Variants in SAG observed in about 807,000 individuals in gnomAD.
SAG encodes S-arrestin.
SAG carries 45 observed loss-of-function variants against 55.0 expected under a neutral mutation model. That is an observed-to-expected ratio of 0.82 (90% CI 0.64 to 1.05). SAG has a LOEUF of 1.05. Ranked by LOEUF, SAG falls within the 50% of genes least tolerant of loss-of-function variation. The probability of loss-of-function intolerance (pLI) is 0.00; values close to 1 mark genes in which losing one functional copy is unlikely to be tolerated. For missense variants in SAG, 455 were observed against 512.1 expected (o/e 0.89, Z 1.08); for synonymous variants, 189 against 197.4 (o/e 0.96, Z 0.36).
chr2:233,328,353 C>A, intron 7 of SAG, 125 bp from the exon 8 acceptor site: 3 of 1,222,010 alleles, frequency 2.5e-6, no homozygotes, highest in Non-Finnish European at 2.3e-6. Context: ...GCCCTCTTCC[C>A]GTCCACCCTG....
intron 13 of SAG, among the ~76,000 whole-genome samples, chr2:233,341,498 A>G (rs1276110800): frequency 6.6e-6 from 1 of 152,266 alleles, no homozygotes; most frequent in Non-Finnish European, 1.5e-5. Context: ...ATGGAATATT[A>G]CTGAGCCATA....
At position 233,329,582 on chromosome 2, in the gene SAG, G is replaced by A. The variant is rs767412878; in HGVS notation, c.733+5G>A. On this transcript the variant is annotated splice_donor_5th_base_variant and intron_variant, in intron 9 of 15. Coordinates refer to ENST00000409110, the MANE Select transcript of SAG (RefSeq NM_000541.5). ...TGAAGAAGATTAAAGCATTCGGTAG[G>A]ACCTTCTTCTCAGAAGTAGAGGGCA... is the stretch of plus-strand genomic sequence containing the variant. The A allele has an allele frequency of 5.7e-6, 9 of 1,592,462 alleles. No homozygotes were observed. The highest frequency in any genetic ancestry group is 7.8e-6 in the Non-Finnish European group (9 of 1,160,578).
intron 13 of SAG, among the ~76,000 whole-genome samples, 177 bp from the exon 14 acceptor site, chr2:233,342,094 A>C (rs1171661446): frequency 6.6e-6 from 1 of 150,440 alleles, no homozygotes; most frequent in Non-Finnish European, 1.5e-5. Context: ...ACTGCACTCC[A>C]GCCTGGGCGA....
Position 233,309,214 on chromosome 2 carries a change from A to G in SAG, c.25A>G (p.Lys9Glu). 6.2e-7 allele frequency: 1 copy of G among 1,613,840 alleles called. No individual in the cohort carries two copies. The highest frequency in any genetic ancestry group is 8.5e-7 in the Non-Finnish European group (1 of 1,179,800). Residue 9 changes from lysine to glutamate, a missense_variant, in exon 2 of 16, where the codon AAG becomes GAG. By Grantham distance (56) the Lys-to-Glu change is moderately conservative. Coordinates refer to ENST00000409110, the MANE Select transcript of SAG (RefSeq NM_000541.5). ...CATGGCAGCCAGCGGGAAGACCAGC[A>G]AGTCCGAACCGAACCATGTTATCTT... MAASGKTSKSEPNHVIFKK... is the reference protein window; with the variant it reads MAASGKTSESEPNHVIFKK...
chr2:233,310,699 G>T (rs997923275), intron 2 of SAG, among the ~76,000 whole-genome samples: 1 of 151,968 alleles, frequency 6.6e-6, no homozygotes, highest in South Asian at 2.1e-4. Flanking sequence ...TAGAGACAGG[G>T]TTTCACCATG....
intron 11 of SAG, among the ~76,000 whole-genome samples, chr2:233,337,300 G>A (rs983447533): frequency 3.3e-5 from 5 of 151,882 alleles, no homozygotes; most frequent in Non-Finnish European, 5.9e-5. Flanking sequence ...GTGCAGTAGC[G>A]CGTTCTTGGC....
chr2:233,312,375 G>A (rs1466806376), intron 2 of SAG, among the ~76,000 whole-genome samples: 1 of 152,124 alleles, frequency 6.6e-6, no homozygotes, highest in Non-Finnish European at 1.5e-5. Flanking sequence ...GCTGGCATGA[G>A]CTAAATCTCA....
chr2:233,330,149 A>C (rs1025950148), intron 9 of SAG, among the ~76,000 whole-genome samples: 42 of 152,220 alleles, frequency 2.8e-4, no homozygotes, highest in African/African-American at 1.0e-3. Flanking sequence ...GCATCAAAGC[A>C]CAGGGGGTCT....
intron 11 of SAG, among the ~76,000 whole-genome samples, chr2:233,336,138 C>G (rs1700919761): frequency 6.6e-6 from 1 of 152,214 alleles, no homozygotes; most frequent in African/African-American, 2.4e-5. Flanking sequence ...TCAATGTATT[C>G]AAGGGCGTAG....
intron 6 of SAG, among the ~76,000 whole-genome samples, chr2:233,325,176 C>T (rs1403208174): frequency 6.7e-6 from 1 of 149,612 alleles, no homozygotes; most frequent in Non-Finnish European, 1.5e-5. Flanking sequence ...TGCATTCCAG[C>T]CTGGGCATTA....
chr2:233,327,057 C>A, intron 6 of SAG, 64 bp from the exon 7 acceptor site: 1 of 1,301,760 alleles, frequency 7.7e-7, no homozygotes, highest in Non-Finnish European at 1.1e-6. Flanking sequence ...AGGTGTGGCC[C>A]TCTGGCCCGG....
chr2:233,343,236 C>A (rs566223664), intron 14 of SAG: 117 of 153,688 alleles, frequency 7.6e-4, no homozygotes, highest in Middle Eastern at 3.4e-3. Context: ...GCGCCTGCCA[C>A]CCCACCTGGC....
chr2:233,320,668 G>GCT lies in SAG; in HGVS notation c.220_221insCT (p.Glu74AlafsTer6). On this transcript the variant is annotated frameshift_variant, in exon 5 of 16. Transcript: ENST00000409110. LOFTEE classifies it high-confidence loss of function. Reference sequence around the variant, plus strand: ...GACCTGCGCCTTCCGCTATGGCCAAGAGGACATTGACGTGATCGGCTTGAC... The same window carrying GCT: ...GACCTGCGCCTTCCGCTATGGCCAAGCTAGGACATTGACGTGATCGGCTTGAC... 2 of 1,606,776 alleles carry GCT rather than the reference G, an allele frequency of 1.2e-6. No homozygotes were observed. Among genetic ancestry groups the GCT allele is most frequent in the Non-Finnish European group, 1.7e-6 (2 of 1,176,714 alleles).
chr2:233,346,297 C>A, intron 14 of SAG, 106 bp from the exon 15 acceptor site: 1 of 1,229,940 alleles, frequency 8.1e-7, no homozygotes, highest in Non-Finnish European at 1.2e-6. Flanking sequence ...ATTGTAAAGT[C>A]ACCTAAAAGG....
intron 8 of SAG, chr2:233,329,213 G>A (rs1574943191): frequency 2.4e-6 from 1 of 409,696 alleles, no homozygotes; most frequent in East Asian, 5.4e-5. Flanking sequence ...TTTCCCAGTG[G>A]TTTCCTTTCA....
intron 11 of SAG, 50 bp downstream of exon 11, chr2:233,335,149 T>C: frequency 1.3e-6 from 2 of 1,579,084 alleles, no homozygotes; most frequent in Non-Finnish European, 1.7e-6. Context: ...GGGCTGGTGC[T>C]GGTCTGCTTC....
intron 4 of SAG, chr2:233,320,149 C>T (rs529044617): frequency 2.6e-5 from 6 of 234,778 alleles, no homozygotes; most frequent in African/African-American, 1.2e-4. Context: ...CCCATGTGGC[C>T]TGTGAGCCTT....
intron 2 of SAG, among the ~76,000 whole-genome samples, chr2:233,314,336 C>T (rs1225140715): frequency 2.0e-5 from 3 of 152,186 alleles, no homozygotes; most frequent in Admixed American, 6.5e-5. Flanking sequence ...ATTCTCAGAA[C>T]CCCGAGGCCC....
At chr2:233,328,140 C>A (rs1330761316) in intron 7 of SAG, 1 of 235,322 alleles carries the variant, frequency 4.2e-6, no homozygotes, top group Non-Finnish European at 8.2e-6. Context: ...TATATGGCAG[C>A]TATTCCATGA....
Sources: gnomAD v4.1 joint callset for allele counts (sites outside exome capture counted in the v4.1 genomes callset) on GRCh38, gnomAD v4.1.1 for gene constraint, MANE v1.5 for transcripts, NCBI Gene and HGNC (gene_info 2026-07-23, HGNC 2026-07-21) for gene names.